The following MAP2K1 variants were observed in gnomAD, a reference collection of about 807,000 sequenced individuals.
MAP2K1 encodes the protein mitogen-activated protein kinase kinase 1, also known as dual specificity mitogen-activated protein kinase kinase 1.
A neutral mutation model predicts 46.3 loss-of-function variants in MAP2K1; 16 were observed. The observed-to-expected ratio is 0.35, with a 90% confidence interval of 0.23 to 0.52. The LOEUF (loss-of-function observed/expected upper bound fraction) is 0.52, where lower values mean the gene tolerates loss of function less well. Ranked by LOEUF, MAP2K1 falls within the 20% of genes least tolerant of loss-of-function variation. MAP2K1 has a pLI of 0.94. For missense variants in MAP2K1, 263 were observed against 497.1 expected, an observed-to-expected ratio of 0.53 and a Z score of 4.48; for synonymous variants, 183 against 185.6, an observed-to-expected ratio of 0.99 and a Z score of 0.11.
Position 66,490,541 on chromosome 15 carries a change from G to A in MAP2K1, c.1108G>A (p.Asp370Asn). 6.2e-7 allele frequency: 1 copy of A among 1,614,180 alleles called. No individual in the cohort carries two copies. Among genetic ancestry groups the A allele is most frequent in the Non-Finnish European group, 8.5e-7 (1 of 1,180,016 alleles). Residue 370 changes from aspartate to asparagine, a missense_variant, in exon 11 of 11, where the codon GAT becomes AAT. Transcript: ENST00000307102. ...CAAGAGATCTGATGCTGAGGAAGTG[G>A]ATTTTGCAGGTTGGCTCTGCTCCAC... ...FIKRSDAEEV[D>N]FAGWLCSTIG...
chr15:66,413,911 C>CTTT (rs10649963), intron 1 of MAP2K1, among the ~76,000 whole-genome samples: 11,966 of 111,262 alleles, frequency 0.11, 774 homozygotes, highest in Non-Finnish European at 0.14. Context: ...TCTTCTTCTT[C>CTTT]TTTTTTTTTT....
intron 1 of MAP2K1, among the ~76,000 whole-genome samples, chr15:66,408,875 G>A (rs1311045251): frequency 6.6e-6 from 1 of 152,150 alleles, no homozygotes; most frequent in Non-Finnish European, 1.5e-5. Flanking sequence ...GCGGTCATCT[G>A]CTCCACCCTC....
chr15:66,459,146 C>T (rs1363070893), intron 5 of MAP2K1, among the ~76,000 whole-genome samples: 4 of 151,552 alleles, frequency 2.6e-5, no homozygotes, highest in East Asian at 1.9e-4. Context: ...AACCCCGTCT[C>T]TACTAAAAAT....
At chr15:66,394,555 A>C (rs1482165557) in intron 1 of MAP2K1, among the ~76,000 whole-genome samples, 2 of 148,804 alleles carry the variant, frequency 1.3e-5, no homozygotes, top group African/African-American at 5.0e-5. Context: ...TCCTGGGTTC[A>C]GGGAATCCTC....
Position 66,485,164 on chromosome 15 carries a change from C to A in MAP2K1, c.868C>A (p.Pro290Thr), listed in dbSNP as rs1893008091. 1 of 1,613,790 alleles carries A rather than the reference C, an allele frequency of 6.2e-7. No individual in the cohort carries two copies. The highest frequency in any genetic ancestry group is 1.7e-5 in the Admixed American group (1 of 60,006). The change falls in exon 7 of 11, where the codon CCA becomes ACA. Residue 290 changes from proline to threonine, a missense_variant. Transcript: ENST00000307102. ...EGDAAETPPR[P>T]RTPGRPLSSY... Reference sequence around the variant, plus strand: ...AGATGCGGCTGAGACCCCACCCAGGCCAAGGACCCCCGGGAGGCCCCTTAG... The same window carrying A: ...AGATGCGGCTGAGACCCCACCCAGGACAAGGACCCCCGGGAGGCCCCTTAG...
intron 1 of MAP2K1, among the ~76,000 whole-genome samples, chr15:66,405,242 C>G (rs1183534904): frequency 1.3e-5 from 2 of 152,204 alleles, no homozygotes; most frequent in East Asian, 1.9e-4. Flanking sequence ...TTTTTCCACA[C>G]GGCCCTCTCA....
intron 5 of MAP2K1, among the ~76,000 whole-genome samples, chr15:66,478,550 G>A (rs2097317179): frequency 1.3e-5 from 2 of 150,280 alleles, no homozygotes; most frequent in East Asian, 2.0e-4. Context: ...CCAGGCTGGA[G>A]TGCAGTGGCA....
At chr15:66,396,092 T>C (rs1354474795) in intron 1 of MAP2K1, among the ~76,000 whole-genome samples, 1 of 151,386 alleles carries the variant, frequency 6.6e-6, no homozygotes, top group Admixed American at 6.6e-5. Context: ...GTGCAACCTA[T>C]GCCTCCCGGG....
intron 5 of MAP2K1, among the ~76,000 whole-genome samples, chr15:66,473,231 A>G (rs898408847): frequency 6.6e-6 from 1 of 152,148 alleles, no homozygotes; most frequent in African/African-American, 2.4e-5. Flanking sequence ...CTCAACTTCC[A>G]TATCTGTAAA....
intron 1 of MAP2K1, among the ~76,000 whole-genome samples, chr15:66,390,835 C>T (rs2093354670): frequency 6.6e-6 from 1 of 152,126 alleles, no homozygotes; most frequent in Non-Finnish European, 1.5e-5. Context: ...CCACTCCTTT[C>T]TTCCACCACA....
At chr15:66,414,840 T>C (rs1319880252) in intron 1 of MAP2K1, 1 of 240,590 alleles carries the variant, frequency 4.2e-6, no homozygotes, top group Non-Finnish European at 8.2e-6. Flanking sequence ...CATTAGGATA[T>C]GAAAGGATTC....
chr15:66,405,087 A>G (rs992832748), intron 1 of MAP2K1, among the ~76,000 whole-genome samples: 29 of 152,224 alleles, frequency 1.9e-4, no homozygotes, highest in African/African-American at 7.0e-4. Flanking sequence ...TTGAATTTGC[A>G]CTAAAATTCT....
rs867805716 is a variant in MAP2K1, at chr15:66,420,721, A to G, written c.81-14306A>G. On this transcript the variant is annotated intron_variant, in intron 1 of 10. Coordinates refer to ENST00000307102, the MANE Select transcript of MAP2K1 (RefSeq NM_002755.4). ...TTACTCTTGGCATATATATATATATATGTGTGTGTGTGTGTGTGTGTGTGT... is the reference window on the plus strand; with the variant it reads ...TTACTCTTGGCATATATATATATATGTGTGTGTGTGTGTGTGTGTGTGTGT... 7.6e-3 allele frequency among the ~76,000 whole-genome samples: 225 copies of G among 29,660 alleles called. 25 individuals carry two copies. Among genetic ancestry groups the G allele is most frequent in the African/African-American group, 0.018 (154 of 8,484 alleles). 19.5% of individuals were successfully genotyped at this position (29,660 alleles called of 152,430 possible).
At chr15:66,405,383 C>T (rs1284519416) in intron 1 of MAP2K1, among the ~76,000 whole-genome samples, 1 of 152,162 alleles carries the variant, frequency 6.6e-6, no homozygotes, top group Non-Finnish European at 1.5e-5. Context: ...GCTCAGTGTC[C>T]ATGTGTGGCT....
chr15:66,458,732 G>T (rs940956851), intron 5 of MAP2K1, among the ~76,000 whole-genome samples: 4 of 152,236 alleles, frequency 2.6e-5, no homozygotes, highest in South Asian at 2.1e-4. Context: ...TGTTGCCCAG[G>T]TTGGTCTTGA....
chr15:66,392,254 G>GTTTTTTTTTT lies in MAP2K1; in HGVS notation c.80+4827_80+4828insTTTTTTTTTT, dbSNP rs374203054. Among the ~76,000 whole-genome samples the GTTTTTTTTTT allele has an allele frequency of 2.6e-3, 205 of 79,618 alleles. 11 individuals carry two copies. Among genetic ancestry groups the GTTTTTTTTTT allele is most frequent in the African/African-American group, 8.4e-3 (180 of 21,422 alleles). The allele number at this position is 79,618 out of a possible 152,430, so 52.2% of individuals were successfully genotyped here. On this transcript the variant is annotated intron_variant, in intron 1 of 10. Transcript: ENST00000307102. ...CACGAATATTTGTGTGTTTTTTTTGGGTTTTTTTTTTTTTTTTTTTTTTTT... is the reference window on the plus strand; with the variant it reads ...CACGAATATTTGTGTGTTTTTTTTGGTTTTTTTTTTGTTTTTTTTTTTTTTTTTTTTTTTT...
chr15:66,388,279 T>C (rs1258944524), intron 1 of MAP2K1, among the ~76,000 whole-genome samples: 1 of 152,154 alleles, frequency 6.6e-6, no homozygotes, highest in Non-Finnish European at 1.5e-5. Flanking sequence ...CCCACAACTC[T>C]CTTGGGTTCT....
rs927892828 is a variant in MAP2K1, at chr15:66,420,930, T to C, written c.81-14097T>C. ...ATACACACACATACATACATATATA[T>C]ACACACATACATATATACATACACA... is the stretch of plus-strand genomic sequence containing the variant. On this transcript the variant is annotated intron_variant, in intron 1 of 10. Transcript: ENST00000307102. Among the ~76,000 whole-genome samples the C allele has an allele frequency of 2.7e-4, 34 of 128,180 alleles. No individual in the cohort carries two copies. In the East Asian group the frequency reaches 5.0e-3, roughly 19 times the overall value. The allele number at this position is 128,180 out of a possible 152,430, so 84.1% of individuals were successfully genotyped here. A position where few individuals can be genotyped will look rare whatever the true frequency, so the allele number is the denominator to read the frequency against.
chr15:66,393,152 G>C (rs747971688), intron 1 of MAP2K1, among the ~76,000 whole-genome samples: 2 of 151,710 alleles, frequency 1.3e-5, no homozygotes, highest in Non-Finnish European at 2.9e-5. Flanking sequence ...TCTCCTTCCA[G>C]GATAAGGCAT....
Sources: allele counts gnomAD v4.1 joint callset (sites outside exome capture counted in the v4.1 genomes callset), GRCh38; gene constraint gnomAD v4.1.1; transcripts MANE v1.5; gene names NCBI Gene and HGNC (gene_info 2026-07-23, HGNC 2026-07-21).